Variants in ZDHHC2 observed in about 807,000 individuals in gnomAD.
ZDHHC2 encodes the protein palmitoyltransferase ZDHHC2.
ZDHHC2 carries 51 observed loss-of-function variants against 55.6 expected under a neutral mutation model. That is an observed-to-expected ratio of 0.92 (90% CI 0.73 to 1.16). ZDHHC2 has a LOEUF of 1.16. Ranked by LOEUF, ZDHHC2 falls within the 50% of genes most tolerant of loss-of-function variation. ZDHHC2 has a pLI of 0.00. For synonymous variants in ZDHHC2, 199 were observed against 152.9 expected (o/e 1.30, Z -2.22); for missense variants, 491 against 442.4 (o/e 1.11, Z -0.99).
At chr8:17,191,322 C>T (rs1193026099) in intron 3 of ZDHHC2, among the ~76,000 whole-genome samples, 1 of 152,150 alleles carries the variant, frequency 6.6e-6, no homozygotes, top group Admixed American at 6.5e-5. Context: ...GTATCAAACT[C>T]CTGACCTCAA....
At chr8:17,175,226 GGCGTTGTGGGTT>G (rs1183857400) in intron 1 of ZDHHC2, among the ~76,000 whole-genome samples, 1 of 152,162 alleles carries the variant, frequency 6.6e-6, no homozygotes, top group African/African-American at 2.4e-5. Flanking sequence ...ATCTGGACAG[GGCGTTGTGGGTT>G]GCAGGTGTGG....
chr8:17,200,610 C>T (rs1005534148), intron 6 of ZDHHC2, among the ~76,000 whole-genome samples: 4 of 152,142 alleles, frequency 2.6e-5, no homozygotes, highest in Non-Finnish European at 4.4e-5. Context: ...TTGCTGTACT[C>T]ACAAAATTAC....
intron 3 of ZDHHC2, among the ~76,000 whole-genome samples, chr8:17,195,096 T>C (rs924254927): frequency 6.6e-6 from 1 of 152,176 alleles, no homozygotes; most frequent in Non-Finnish European, 1.5e-5. Context: ...TAAGAAGATA[T>C]GCTTAATGGA....
At position 17,205,655 on chromosome 8, in the gene ZDHHC2, G is replaced by C. The variant is rs1157184764; in HGVS notation, c.477G>C (p.Trp159Cys). 4.4e-6 allele frequency: 7 copies of C among 1,597,588 alleles called. No homozygotes were observed. In the Admixed American group the frequency reaches 5.3e-5, roughly 12 times the overall value. ...GGAAATGTTTTTGTTTTGTTAACAG[G>C]GTGAACAATTGTGTTGGATTTTCAA... ...CILKMDHHCP[W>C]VNNCVGFSNY... The change falls in exon 7 of 13, where the codon TGG (tryptophan) becomes TGC (cysteine). Residue 159 changes from tryptophan (W) to cysteine (C), a missense_variant and splice_region_variant. Physicochemically the swap from Trp to Cys is radical, Grantham distance 215. Coordinates refer to ENST00000262096, the MANE Select transcript of ZDHHC2 (RefSeq NM_016353.5).
Position 17,195,485 on chromosome 8 carries a change from A to G in ZDHHC2, c.253-19A>G, listed in dbSNP as rs1458023303. On this transcript the variant is annotated intron_variant, in intron 3 of 12. Coordinates refer to ENST00000262096, the MANE Select transcript of ZDHHC2 (RefSeq NM_016353.5). ...AATTTCTTTGAAAATACTGATTAAGATTTAAATGTATTCCACAGTTCCATC... is the reference window on the plus strand; with the variant it reads ...AATTTCTTTGAAAATACTGATTAAGGTTTAAATGTATTCCACAGTTCCATC... 2 of 1,603,562 alleles carry G rather than the reference A, an allele frequency of 1.2e-6. No individual in the cohort carries two copies. Among genetic ancestry groups the G allele is most frequent in the Admixed American group, 3.4e-5 (2 of 58,160 alleles).
intron 7 of ZDHHC2, among the ~76,000 whole-genome samples, chr8:17,206,646 T>G (rs1276580192): frequency 6.6e-6 from 1 of 152,226 alleles, no homozygotes; most frequent in Non-Finnish European, 1.5e-5. Flanking sequence ...GAATTTTTAT[T>G]CGGTATTTCT....
At chr8:17,157,229 G>A (rs1471045615) in intron 1 of ZDHHC2, among the ~76,000 whole-genome samples, 1 of 152,192 alleles carries the variant, frequency 6.6e-6, no homozygotes, top group African/African-American at 2.4e-5. Flanking sequence ...GGCTGAGCTG[G>A]GCCCGGCCCC....
At chr8:17,167,971 A>G (rs1049214389) in intron 1 of ZDHHC2, among the ~76,000 whole-genome samples, 6 of 152,100 alleles carry the variant, frequency 3.9e-5, no homozygotes, top group South Asian at 2.1e-4. Context: ...TAAAATTGTT[A>G]CCCTTTTTAG....
At chr8:17,178,756 A>T (rs576701937) in intron 1 of ZDHHC2, among the ~76,000 whole-genome samples, 5 of 152,184 alleles carry the variant, frequency 3.3e-5, no homozygotes, top group African/African-American at 4.8e-5. Flanking sequence ...GCAGTTTGTC[A>T]TCCTTTTCTA....
intron 1 of ZDHHC2, among the ~76,000 whole-genome samples, chr8:17,165,742 G>C (rs1804569274): frequency 6.6e-6 from 1 of 152,224 alleles, no homozygotes; most frequent in Non-Finnish European, 1.5e-5. Context: ...AAAGCAAAAA[G>C]TAGGGCAAGA....
chr8:17,218,835 C>G (rs1036808571), intron 12 of ZDHHC2, among the ~76,000 whole-genome samples: 4 of 152,130 alleles, frequency 2.6e-5, no homozygotes, highest in Admixed American at 6.5e-5. Flanking sequence ...CCTAAAGTAG[C>G]TAATAGAAAC....
chr8:17,203,164 G>T (rs149871539), intron 6 of ZDHHC2, among the ~76,000 whole-genome samples: 2,599 of 149,648 alleles, frequency 0.017, 68 homozygotes, highest in African/African-American at 0.059. Flanking sequence ...GGTTCAAGCA[G>T]TTCTTCTACC....
At chr8:17,186,214 CATAATGTATT>C (rs1805700324) in intron 2 of ZDHHC2, 107 bp from the exon 3 acceptor site, 1 of 643,808 alleles carries the variant, frequency 1.6e-6, no homozygotes, top group Non-Finnish European at 2.6e-6. Flanking sequence ...AAGGAACTTT[CATAATGTATT>C]ATAATTGGTA....
chr8:17,192,318 C>T (rs143674880), intron 3 of ZDHHC2, among the ~76,000 whole-genome samples: 8 of 152,230 alleles, frequency 5.3e-5, no homozygotes, highest in Middle Eastern at 3.4e-3. Flanking sequence ...GCTATTTGAA[C>T]TGGGGTACGA....
At chr8:17,207,249 T>C (rs1036459732) in intron 7 of ZDHHC2, among the ~76,000 whole-genome samples, 34 of 152,296 alleles carry the variant, frequency 2.2e-4, no homozygotes, top group African/African-American at 8.2e-4. Flanking sequence ...TCGATAGGTG[T>C]CCATAGCCCC....
At chr8:17,195,155 G>T (rs2150921641) in intron 3 of ZDHHC2, among the ~76,000 whole-genome samples, 2 of 152,124 alleles carry the variant, frequency 1.3e-5, no homozygotes, top group Middle Eastern at 6.8e-3. Flanking sequence ...TATTCATTGA[G>T]TTATGTTTAT....
intron 10 of ZDHHC2, among the ~76,000 whole-genome samples, chr8:17,214,975 T>C (rs972788304): frequency 2.0e-5 from 3 of 152,200 alleles, no homozygotes; most frequent in African/African-American, 7.2e-5. Context: ...GGCTGAAGAC[T>C]ATTCTCTGGA....
chr8:17,201,801 A>G (rs1806791873), intron 6 of ZDHHC2, among the ~76,000 whole-genome samples: 2 of 151,856 alleles, frequency 1.3e-5, no homozygotes, highest in African/African-American at 4.8e-5. Context: ...CGGCCAGGGC[A>G]GCTTTTTTAT....
At chr8:17,198,588 G>A (rs1806446611) in intron 6 of ZDHHC2, among the ~76,000 whole-genome samples, 175 bp downstream of exon 6, 1 of 152,144 alleles carries the variant, frequency 6.6e-6, no homozygotes, top group East Asian at 1.9e-4. Flanking sequence ...ATTTAGGGGA[G>A]TTTCCATGAA....
Sources: allele counts gnomAD v4.1 joint callset (sites outside exome capture counted in the v4.1 genomes callset), GRCh38; gene constraint gnomAD v4.1.1; transcripts MANE v1.5; gene names NCBI Gene and HGNC (gene_info 2026-07-23, HGNC 2026-07-21).